The following PPP4R1 variants were observed in gnomAD, a reference collection of about 807,000 sequenced individuals.
The protein encoded by PPP4R1 is protein phosphatase 4 regulatory subunit 1.
PPP4R1 carries 42 observed loss-of-function variants against 111.2 expected under a neutral mutation model. The observed-to-expected ratio is 0.38, with a 90% CI of 0.29 to 0.49. The LOEUF is 0.49. Among genes scored for constraint, PPP4R1 ranks in the 20% least tolerant of loss-of-function variants. The pLI, the probability that PPP4R1 is intolerant of heterozygous loss-of-function variation, is 0.97. For synonymous variants in PPP4R1, 409 were observed against 405.5 expected, an observed-to-expected ratio of 1.01 and a Z score of -0.10; for missense variants, 1,012 against 1,161.6, an observed-to-expected ratio of 0.87 and a Z score of 1.87.
At chr18:9,582,659 T>A (rs1021269440) in intron 9 of PPP4R1, among the ~76,000 whole-genome samples, 3 of 152,148 alleles carry the variant, frequency 2.0e-5, no homozygotes, top group Non-Finnish European at 1.5e-5. Flanking sequence ...GGAGGGAACA[T>A]TTCCTAACTC....
intron 3 of PPP4R1, 115 bp from the exon 4 acceptor site, chr18:9,593,989 G>GT (rs2067253113): frequency 1.2e-5 from 9 of 771,268 alleles, no homozygotes; most frequent in Non-Finnish European, 1.9e-5. Context: ...GTGTAATGGT[G>GT]TGATCACGGC....
intron 15 of PPP4R1, among the ~76,000 whole-genome samples, chr18:9,555,970 A>G (rs1297031233): frequency 1.4e-5 from 2 of 140,532 alleles, no homozygotes; most frequent in African/African-American, 2.6e-5. Flanking sequence ...CCCCATCTCT[A>G]CTAAAACAAA....
chr18:9,588,838 G>T lies in PPP4R1; in HGVS notation c.311C>A (p.Ala104Glu). The change falls in exon 5 of 20, where the codon GCG becomes GAG. Residue 104 changes from alanine to glutamate, a missense_variant. Around this residue, in one of 2 missense-constraint regions of PPP4R1, gnomAD observed 707 missense variants for 742.1 expected, o/e 0.95. Coordinates refer to ENST00000400556, the MANE Select transcript of PPP4R1 (RefSeq NM_001042388.3). ...GTGAGGCACCTGTTCCATCAGCTCC[G>T]CTCTCACAGTTGGTTCTATTGAAAT... ...LADDSEPTVR[A>E]ELMEQVPHIA... The T allele has an allele frequency of 6.2e-7, 1 of 1,613,292 alleles. No individual in the cohort carries two copies. The highest frequency in any genetic ancestry group is 8.5e-7 in the Non-Finnish European group (1 of 1,179,738).
upstream of PPP4R1, chr18:9,614,610 G>C (rs998241789): frequency 2.0e-6 from 1 of 490,602 alleles, no homozygotes; most frequent in South Asian, 8.4e-5. The surrounding 1 kb of genome is among the most constrained non-coding windows in gnomAD (Gnocchi z 4.1). Flanking sequence ...GCTGGCGGGG[G>C]CGCGCGCGCG....
chr18:9,552,202 A>G (rs951828025), intron 16 of PPP4R1, among the ~76,000 whole-genome samples: 1 of 152,234 alleles, frequency 6.6e-6, no homozygotes, highest in African/African-American at 2.4e-5. Flanking sequence ...TCAACAACAC[A>G]ACTTAAGATA....
chr18:9,574,162 G>A (rs574704776), intron 10 of PPP4R1, among the ~76,000 whole-genome samples: 71 of 152,114 alleles, frequency 4.7e-4, no homozygotes, highest in African/African-American at 1.6e-3. Context: ...TGTATAATGG[G>A]AATTATCCTG....
At chr18:9,594,989 CCACTTT>C in intron 3 of PPP4R1, 23 bp downstream of exon 3, 1 of 1,604,474 alleles carries the variant, frequency 6.2e-7, no homozygotes, top group Non-Finnish European at 8.5e-7. Flanking sequence ...CCTTCCACTT[CCACTTT>C]AACAAAAAGA....
intron 2 of PPP4R1, among the ~76,000 whole-genome samples, chr18:9,608,908 C>T (rs1231075584): frequency 2.0e-5 from 3 of 152,174 alleles, no homozygotes; most frequent in African/African-American, 7.2e-5. Flanking sequence ...AACTTTACCT[C>T]CTGAGGTCTA....
Position 9,602,702 on chromosome 18 carries a change from A to C in PPP4R1, c.53-7549T>G, listed in dbSNP as rs559163658. ...TGGTGAAATCCCATCTCTTCTAAAAATACAAAAATTAGCTGGGCTAAAACA... is the reference window on the plus strand; with the variant it reads ...TGGTGAAATCCCATCTCTTCTAAAACTACAAAAATTAGCTGGGCTAAAACA... On this transcript the variant is annotated intron_variant, in intron 2 of 19. Coordinates refer to ENST00000400556, the MANE Select transcript of PPP4R1 (RefSeq NM_001042388.3). 5.3e-5 allele frequency among the ~76,000 whole-genome samples: 8 copies of C among 151,924 alleles called. No individual in the cohort carries two copies. In the South Asian group the frequency reaches 1.7e-3, roughly 32 times the overall value.
chr18:9,615,147 G>A (rs62088910), upstream of PPP4R1: 9,382 of 152,370 alleles, frequency 0.062, 375 homozygotes, highest in Non-Finnish European at 0.095. Flanking sequence ...CAAAGCCCAG[G>A]GCCCGGCTGC....
intron 4 of PPP4R1, among the ~76,000 whole-genome samples, chr18:9,592,098 T>C (rs1024705371): frequency 1.3e-5 from 2 of 152,162 alleles, no homozygotes; most frequent in African/African-American, 2.4e-5. Context: ...TTAATTGGTA[T>C]AGTCTTCCAA....
At chr18:9,571,398 G>C (rs939233333) in intron 10 of PPP4R1, among the ~76,000 whole-genome samples, 3 of 152,168 alleles carry the variant, frequency 2.0e-5, no homozygotes, top group Non-Finnish European at 4.4e-5. Context: ...GTTATTATTT[G>C]ATTCAATTAA....
chr18:9,549,510 C>A (rs187031424), intron 18 of PPP4R1, among the ~76,000 whole-genome samples, 172 bp from the exon 19 acceptor site: 1 of 152,322 alleles, frequency 6.6e-6, no homozygotes, highest in East Asian at 1.9e-4. Flanking sequence ...TAACTGCCCA[C>A]ACGGACAGAC....
At chr18:9,598,122 T>C (rs2067319686) in intron 2 of PPP4R1, among the ~76,000 whole-genome samples, 1 of 151,762 alleles carries the variant, frequency 6.6e-6, no homozygotes, top group East Asian at 1.9e-4. Context: ...GTAAGAAAAA[T>C]ATCCTAAATG....
chr18:9,603,806 C>T, intron 2 of PPP4R1, among the ~76,000 whole-genome samples: 1 of 152,070 alleles, frequency 6.6e-6, no homozygotes, highest in East Asian at 1.9e-4. Context: ...TTTCTCTTTA[C>T]CTATTTTTGG....
At chr18:9,552,062 A>G (rs773023266) in intron 16 of PPP4R1, 6 of 152,208 alleles carry the variant, frequency 3.9e-5, no homozygotes, top group Non-Finnish European at 8.8e-5. Context: ...GCAAGCCAGA[A>G]CTCAATGGAG....
At chr18:9,594,462 T>A (rs2067260473) in intron 3 of PPP4R1, among the ~76,000 whole-genome samples, 1 of 152,078 alleles carries the variant, frequency 6.6e-6, no homozygotes. Context: ...ATTATCACAA[T>A]GAAAAAACAC....
At chr18:9,613,615 T>A (rs1247940129) in intron 2 of PPP4R1, 1 of 144,912 alleles carries the variant, frequency 6.9e-6, no homozygotes, top group Non-Finnish European at 1.5e-5. Context: ...CCAAACCTAG[T>A]AATTCCTGCG....
intron 6 of PPP4R1, among the ~76,000 whole-genome samples, chr18:9,585,105 CCA>C (rs1454198397): frequency 1.3e-5 from 2 of 152,116 alleles, no homozygotes; most frequent in Non-Finnish European, 1.5e-5. Flanking sequence ...TCATTTTTGT[CCA>C]CAGTTTCCAT....
Sources: gnomAD v4.1 joint callset for allele counts (sites outside exome capture counted in the v4.1 genomes callset) on GRCh38, gnomAD v4.1.1 for gene constraint, gnomAD v4.1.1 regional missense constraint, Gnocchi (gnomAD v3.1) non-coding constraint, MANE v1.5 for transcripts, NCBI Gene and HGNC (gene_info 2026-07-23, HGNC 2026-07-21) for gene names.